Variants in FAM20A observed in about 807,000 individuals in gnomAD.
FAM20A encodes FAM20A golgi associated secretory pathway pseudokinase, also known as pseudokinase FAM20A.
FAM20A carries 42 observed loss-of-function variants against 52.0 expected under a neutral mutation model. The ratio of observed to expected loss-of-function variants is 0.81; its 90% CI spans 0.63 to 1.04. The LOEUF is 1.04. FAM20A is among the 50% of genes least tolerant of loss of function. The probability of loss-of-function intolerance (pLI) is 0.00; values close to 1 mark genes in which losing one functional copy is unlikely to be tolerated. For missense variants in FAM20A, 742 were observed against 712.7 expected, an observed-to-expected ratio of 1.04 and a Z score of -0.47; for synonymous variants, 304 against 298.9, an observed-to-expected ratio of 1.02 and a Z score of -0.18.
At chr17:68,588,947 G>A (rs531501900) in intron 1 of FAM20A, among the ~76,000 whole-genome samples, 6 of 152,308 alleles carry the variant, frequency 3.9e-5, no homozygotes, top group African/African-American at 1.4e-4. Flanking sequence ...CCAGCAGAAG[G>A]GATTTCCCTT....
chr17:68,596,262 A>G (rs992003194), intron 1 of FAM20A, among the ~76,000 whole-genome samples: 1 of 152,104 alleles, frequency 6.6e-6, no homozygotes, highest in Non-Finnish European at 1.5e-5. Flanking sequence ...AGACAATATA[A>G]CCTTCCTGAC....
intron 10 of FAM20A, among the ~76,000 whole-genome samples, chr17:68,538,510 A>G (rs2086161242): frequency 6.6e-6 from 1 of 152,234 alleles, no homozygotes; most frequent in African/African-American, 2.4e-5. Flanking sequence ...GCAGGTGGTC[A>G]ATTTTACAAG....
intron 1 of FAM20A, among the ~76,000 whole-genome samples, chr17:68,581,350 T>TTTTCTTTCTCTC (rs2087943147): frequency 1.1e-5 from 1 of 92,218 alleles, no homozygotes; most frequent in Non-Finnish European, 2.1e-5. Flanking sequence ...GAAATGCAGT[T>TTTTCTTTCTCTC]TTTCTTTCTT....
chr17:68,541,195 CTG>C (rs1304855749), intron 7 of FAM20A: 1 of 530,470 alleles, frequency 1.9e-6, no homozygotes, highest in Non-Finnish European at 3.3e-6. Flanking sequence ...GGTTGGGATA[CTG>C]TGTGCCAGAG....
intron 1 of FAM20A, among the ~76,000 whole-genome samples, chr17:68,556,886 AAAAC>A (rs778580083): frequency 2.0e-5 from 3 of 152,072 alleles, no homozygotes; most frequent in Admixed American, 1.3e-4. Context: ...GGTGGGGTGA[AAAAC>A]AAAACAAACA....
At chr17:68,598,669 T>C (rs974968968) in intron 1 of FAM20A, among the ~76,000 whole-genome samples, 10 of 152,214 alleles carry the variant, frequency 6.6e-5, no homozygotes, top group African/African-American at 2.2e-4. Context: ...TTAAAACTGA[T>C]TGTAGAACAG....
intron 8 of FAM20A, among the ~76,000 whole-genome samples, 175 bp from the exon 9 acceptor site, chr17:68,540,141 G>A (rs1055935462): frequency 1.3e-5 from 2 of 152,188 alleles, no homozygotes; most frequent in African/African-American, 4.8e-5. Flanking sequence ...GCCGCAGGAG[G>A]GAGAAGGAAG....
chr17:68,536,469 CA>C lies in FAM20A; in HGVS notation c.*1007del. 1 of 454,122 alleles carries C rather than the reference CA, an allele frequency of 2.2e-6. No individual in the cohort carries two copies. The highest frequency in any genetic ancestry group is 1.6e-5 in the South Asian group (1 of 64,476). The allele number at this position is 454,122 out of a possible 1,614,324, so 28.1% of individuals were successfully genotyped here. A position where few individuals can be genotyped will look rare whatever the true frequency, so the allele number is the denominator to read the frequency against. Reference sequence around the variant, plus strand: ...TAGAGGAGACAAGGAATCCCTACTACACTTTCTTCTAAGGGAGGCTTCAATA... The same window carrying C: ...TAGAGGAGACAAGGAATCCCTACTACCTTTCTTCTAAGGGAGGCTTCAATA... On this transcript the variant is annotated 3_prime_UTR_variant, in exon 11 of 11. Coordinates refer to ENST00000592554, the MANE Select transcript of FAM20A (RefSeq NM_017565.4).
In FAM20A at chr17:68,537,421, T is replaced by G. The variant is rs775363446; in HGVS notation, c.*56A>C. On this transcript the variant is annotated 3_prime_UTR_variant, in exon 11 of 11. Coordinates refer to ENST00000592554, the MANE Select transcript of FAM20A (RefSeq NM_017565.4). The surrounding 1 kb of genome is among the most constrained non-coding windows in gnomAD (Gnocchi z 4.2). ...GGGAGTGAGGACGCAGGGTCGGCAC[T>G]CGAGTCGACTGCTCTGGCTCCAGGC... is the stretch of plus-strand genomic sequence containing the variant. 1.1e-5 allele frequency: 17 copies of G among 1,611,256 alleles called. No homozygotes were observed. The highest frequency in any genetic ancestry group is 1.4e-5 in the Non-Finnish European group (16 of 1,178,946).
chr17:68,546,460 T>C (rs2086571186), intron 4 of FAM20A, among the ~76,000 whole-genome samples: 1 of 152,038 alleles, frequency 6.6e-6, no homozygotes, highest in Admixed American at 6.5e-5. Flanking sequence ...CCAGAAAGTT[T>C]TCAAATGACC....
At chr17:68,575,110 G>A (rs1205486986) in intron 1 of FAM20A, 2 of 151,934 alleles carry the variant, frequency 1.3e-5, no homozygotes, top group African/African-American at 4.8e-5. Context: ...ATAAGAAATG[G>A]ATTCTCGCCT....
At chr17:68,551,377 G>C (rs1480593588) in intron 4 of FAM20A, 1 of 355,638 alleles carries the variant, frequency 2.8e-6, no homozygotes, top group Non-Finnish European at 5.0e-6. Context: ...CAAGTATTGT[G>C]GTATACAAGT....
At position 68,600,427 on chromosome 17, in the gene FAM20A, C is replaced by T; in HGVS notation, c.240G>A (p.Pro80=). 3.1e-6 allele frequency: 5 copies of T among 1,611,182 alleles called. No homozygotes were observed. The highest frequency in any genetic ancestry group is 3.4e-6 in the Non-Finnish European group (4 of 1,179,030). Residue 80 remains proline (P), a synonymous_variant, in exon 1 of 11, where the codon CCG becomes CCA. Coordinates refer to ENST00000592554, the MANE Select transcript of FAM20A (RefSeq NM_017565.4). The surrounding 1 kb of genome is among the most constrained non-coding windows in gnomAD (Gnocchi z 6.2). The part of the protein sequence containing the change: ...NFSRTEPRTE[P]AGGSHSGSSS... ...TCGACCCGCTGTGGCTGCCGCCAGC[C>T]GGTTCAGTCCGGGGCTCGGTTCGGG...
At chr17:68,573,652 T>C (rs1024533431) in intron 1 of FAM20A, among the ~76,000 whole-genome samples, 1 of 151,252 alleles carries the variant, frequency 6.6e-6, no homozygotes, top group Admixed American at 6.6e-5. Context: ...TCTTTCTTCC[T>C]TTCTTCCTTT....
At chr17:68,599,390 TC>T (rs2088546795) in intron 1 of FAM20A, among the ~76,000 whole-genome samples, 1 of 152,216 alleles carries the variant, frequency 6.6e-6, no homozygotes, top group Admixed American at 6.5e-5. Context: ...TAGCAAGGGA[TC>T]TCAGTAATGA....
chr17:68,597,411 A>C (rs2088484160), intron 1 of FAM20A, among the ~76,000 whole-genome samples: 1 of 151,622 alleles, frequency 6.6e-6, no homozygotes, highest in South Asian at 2.1e-4. Context: ...TTGAGATGGA[A>C]TCTCACTGTG....
At chr17:68,555,415 A>G in intron 2 of FAM20A, 144 bp downstream of exon 2, 1 of 932,744 alleles carries the variant, frequency 1.1e-6, no homozygotes. Flanking sequence ...TTCCAGAGGG[A>G]AAAAGATCAA....
chr17:68,546,653 AC>A (rs2143577835), intron 4 of FAM20A, among the ~76,000 whole-genome samples: 1 of 152,044 alleles, frequency 6.6e-6, no homozygotes, highest in East Asian at 1.9e-4. Flanking sequence ...ACACGGTGAA[AC>A]CCTGTCTCTA....
intron 8 of FAM20A, 92 bp from the exon 9 acceptor site, chr17:68,540,058 A>G: frequency 9.2e-7 from 1 of 1,084,412 alleles, no homozygotes; most frequent in Non-Finnish European, 1.4e-6. Flanking sequence ...GAGGCCTGTC[A>G]TCACTTGAGA....
Sources: allele counts gnomAD v4.1 joint callset (sites outside exome capture counted in the v4.1 genomes callset), GRCh38; gene constraint gnomAD v4.1.1; non-coding constraint Gnocchi (gnomAD v3.1); transcripts MANE v1.5; gene names NCBI Gene and HGNC (gene_info 2026-07-23, HGNC 2026-07-21).